The following C14orf39 variants were observed in gnomAD, a reference collection of about 807,000 sequenced individuals.
C14orf39 encodes protein SIX6OS1.
Under a neutral mutation model 85.6 loss-of-function variants are expected in C14orf39, and 66 were observed. The ratio of observed to expected loss-of-function variants is 0.77; its 90% CI spans 0.63 to 0.95. The LOEUF is 0.95. C14orf39 is among the 40% of genes least tolerant of loss of function. The pLI is 0.00. For synonymous variants in C14orf39, 242 were observed against 214.0 expected (o/e 1.13, Z -1.14); for missense variants, 735 against 663.9 (o/e 1.11, Z -1.18).
intron 11 of C14orf39, among the ~76,000 whole-genome samples, chr14:60,463,543 G>A (rs914652610): frequency 1.1e-4 from 17 of 150,218 alleles, no homozygotes; most frequent in Non-Finnish European, 1.6e-4. Context: ...ACAACCTTAT[G>A]ATATACTAAA....
intron 11 of C14orf39, among the ~76,000 whole-genome samples, chr14:60,464,447 T>C (rs931201310): frequency 1.3e-5 from 2 of 152,150 alleles, no homozygotes; most frequent in Non-Finnish European, 2.9e-5. Flanking sequence ...AGTACTCTTT[T>C]TGGAGAGAGC....
intron 1 of C14orf39, among the ~76,000 whole-genome samples, chr14:60,506,351 T>C (rs140367332): frequency 5.4e-4 from 82 of 152,270 alleles, no homozygotes; most frequent in African/African-American, 1.9e-3. Flanking sequence ...GAAAAAAATA[T>C]ATACCCTTCT....
rs1401301636 is a variant in C14orf39, at chr14:60,515,085, G to C, written c.-144+310C>G. On this transcript the variant is annotated intron_variant, in intron 1 of 5. Transcript: ENST00000556799. The surrounding 1 kb of genome is among the most constrained non-coding windows in gnomAD (Gnocchi z 6.2). ...GCGAGGGGAGAAGGGGTCATTGTCC[G>C]CGCGCTGGCCCGGGCGCCGAGGCGT... 2 of 152,260 alleles carry C rather than the reference G, an allele frequency of 1.3e-5. No homozygotes were observed. Among genetic ancestry groups the C allele is most frequent in the African/African-American group, 4.8e-5 (2 of 41,454 alleles). The allele number at this position is 152,260 out of a possible 1,614,324, so 9.4% of individuals were successfully genotyped here. A position where few individuals can be genotyped will look rare whatever the true frequency, so the allele number is the denominator to read the frequency against.
chr14:60,513,857 T>C (rs906490082), intron 1 of C14orf39, among the ~76,000 whole-genome samples: 1 of 152,228 alleles, frequency 6.6e-6, no homozygotes, highest in African/African-American at 2.4e-5. Context: ...CAAACAGTGA[T>C]GGAGCATTTT....
chr14:60,460,439 A>G (rs969055802), intron 13 of C14orf39, among the ~76,000 whole-genome samples: 6 of 151,906 alleles, frequency 3.9e-5, no homozygotes, highest in Non-Finnish European at 8.8e-5. Context: ...AGAGAAAAAG[A>G]CTCATAGTAT....
rs761312214 is a variant in C14orf39 at position 60,509,833 on chromosome 14, G to A, written c.-144+5562C>T. On this transcript the variant is annotated intron_variant, in intron 1 of 5. Transcript: ENST00000556799. ...AGCGCACGCGGCACCTGCTACGCGAGTGGTACCTGCAGGATCCATACCCTA... is the reference window on the plus strand; with the variant it reads ...AGCGCACGCGGCACCTGCTACGCGAATGGTACCTGCAGGATCCATACCCTA... The A allele has an allele frequency of 5.0e-6, 8 of 1,613,872 alleles. No individual in the cohort carries two copies. The Admixed American group carries it at 1.3e-4, about 27-fold the overall frequency.
chr14:60,487,833 T>C (rs902112704), upstream of C14orf39, among the ~76,000 whole-genome samples: 1 of 152,194 alleles, frequency 6.6e-6, no homozygotes, highest in Non-Finnish European at 1.5e-5. Context: ...TGACGTATCC[T>C]ATTGTGGTTT....
chr14:60,450,208 A>G (rs1207108424), intron 16 of C14orf39, among the ~76,000 whole-genome samples: 2 of 152,190 alleles, frequency 1.3e-5, no homozygotes, highest in African/African-American at 4.8e-5. Flanking sequence ...GTGGAGTAGA[A>G]CAAGCATGAT....
At chr14:60,447,854 C>T (rs985364709) in intron 16 of C14orf39, among the ~76,000 whole-genome samples, 1 of 152,056 alleles carries the variant, frequency 6.6e-6, no homozygotes, top group African/African-American at 2.4e-5. Context: ...ACATATAGAC[C>T]AATGAAACAG....
At position 60,461,489 on chromosome 14, in the gene C14orf39, T is replaced by C. The variant is rs373229924; in HGVS notation, c.1058+19A>G. 6.3e-7 allele frequency: 1 copy of C among 1,574,954 alleles called. No homozygotes were observed. Among genetic ancestry groups the C allele is most frequent in the African/African-American group, 1.4e-5 (1 of 72,938 alleles). ...AATTATTTCAGAGATTAAAGCATTT[T>C]CTTATTTTAAAAAGTTACCTGACTT... is the stretch of plus-strand genomic sequence containing the variant. On this transcript the variant is annotated intron_variant, in intron 12 of 17. Coordinates refer to ENST00000321731, the MANE Select transcript of C14orf39 (RefSeq NM_174978.3).
At chr14:60,476,338 GC>G (rs1398116559) in intron 5 of C14orf39, among the ~76,000 whole-genome samples, 1 of 152,176 alleles carries the variant, frequency 6.6e-6, no homozygotes, top group East Asian at 1.9e-4. Flanking sequence ...GCCTAGCATA[GC>G]TAAGTCATAG....
intron 1 of C14orf39, among the ~76,000 whole-genome samples, chr14:60,514,947 G>A (rs1893343098): frequency 6.6e-6 from 1 of 152,164 alleles, no homozygotes; most frequent in East Asian, 1.9e-4. Context: ...GGCTAATGAC[G>A]GCGGCCGGGC....
At chr14:60,494,623 G>T (rs1210539650) in intron 2 of C14orf39, 2 of 152,212 alleles carry the variant, frequency 1.3e-5, no homozygotes, top group Non-Finnish European at 2.9e-5. Context: ...CCCTAGCATT[G>T]GGAGACTCTG....
intron 16 of C14orf39, among the ~76,000 whole-genome samples, chr14:60,442,448 G>A (rs1360908673): frequency 6.6e-6 from 1 of 151,204 alleles, no homozygotes; most frequent in Non-Finnish European, 1.5e-5. Context: ...TATTTTTTTT[G>A]CCTATAAAAG....
At chr14:60,508,116 T>A (rs1893230858) in intron 1 of C14orf39, among the ~76,000 whole-genome samples, 1 of 152,158 alleles carries the variant, frequency 6.6e-6, no homozygotes, top group Non-Finnish European at 1.5e-5. Flanking sequence ...CCCCGCATTG[T>A]CGTGGATGCC....
At chr14:60,478,759 C>A (rs1403856165) in intron 4 of C14orf39, among the ~76,000 whole-genome samples, 1 of 151,960 alleles carries the variant, frequency 6.6e-6, no homozygotes, top group Non-Finnish European at 1.5e-5. Flanking sequence ...CAAAAAAATT[C>A]TTTTGGAGTA....
chr14:60,485,783 G>A (rs1344630211), intron 1 of C14orf39, among the ~76,000 whole-genome samples, 162 bp downstream of exon 1: 1 of 151,250 alleles, frequency 6.6e-6, no homozygotes, highest in Non-Finnish European at 1.5e-5. Flanking sequence ...CCCATCCCCC[G>A]CCGCGCCCTC....
At chr14:60,485,272 A>G (rs1247408838) in intron 1 of C14orf39, among the ~76,000 whole-genome samples, 186 bp from the exon 2 acceptor site, 2 of 152,194 alleles carry the variant, frequency 1.3e-5, no homozygotes, top group Non-Finnish European at 2.9e-5. Context: ...GCCAAGCCCA[A>G]CGAGCGCTTC....
intron 1 of C14orf39, among the ~76,000 whole-genome samples, chr14:60,513,402 A>G (rs1893321991): frequency 6.6e-6 from 1 of 152,178 alleles, no homozygotes; most frequent in South Asian, 2.1e-4. Context: ...ACTCACGGTC[A>G]AGGTTATGCA....
Sources: gnomAD v4.1 joint callset for allele counts (sites outside exome capture counted in the v4.1 genomes callset) on GRCh38, gnomAD v4.1.1 for gene constraint, Gnocchi (gnomAD v3.1) non-coding constraint, MANE v1.5 for transcripts, NCBI Gene and HGNC (gene_info 2026-07-23, HGNC 2026-07-21) for gene names.